Variants in ZNF280A observed in about 807,000 individuals in gnomAD.
The protein encoded by ZNF280A is suppressor of hairy wing homolog 1.
In ZNF280A, 26 loss-of-function variants were observed where a neutral mutation model predicts 35.9. The ratio of observed to expected loss-of-function variants is 0.72; its 90% CI spans 0.53 to 1.01. The LOEUF is 1.01. Ranked by LOEUF, ZNF280A falls within the 50% of genes least tolerant of loss-of-function variation. The pLI is 0.00. For synonymous variants in ZNF280A, 231 were observed against 232.9 expected (o/e 0.99, Z 0.07); for missense variants, 654 against 652.0 (o/e 1.00, Z -0.03).
At chr22:22,518,545 T>C (rs973569175) in intron 1 of ZNF280A, among the ~76,000 whole-genome samples, 3 of 151,600 alleles carry the variant, frequency 2.0e-5, no homozygotes, top group Non-Finnish European at 4.4e-5. Context: ...CCAGCACTTT[T>C]GGGAGGCCGA....
At chr22:22,517,799 C>A (rs765551623) in intron 1 of ZNF280A, among the ~76,000 whole-genome samples, 4 of 147,830 alleles carry the variant, frequency 2.7e-5, no homozygotes, top group Non-Finnish European at 5.9e-5. Context: ...TGAGGATAAG[C>A]GTGATGCTTG....
chr22:22,515,103 T>G lies in ZNF280A; in HGVS notation c.528A>C (p.Arg176Ser). The part of the protein sequence containing the change: ...KRLSTSDINS[R>S]DSKRVKLRDG... ...CCCTGAGTTTAACCCTTTTGGAATC[T>G]CTGCTGTTTATATCTGAAGTGGAAA... Residue 176 changes from arginine to serine, a missense_variant, in exon 2 of 2, where the codon AGA becomes AGC. Physicochemically the swap from Arg to Ser is moderately radical, Grantham distance 110. Coordinates refer to ENST00000302097, the MANE Select transcript of ZNF280A (RefSeq NM_080740.5). 1 of 1,613,894 alleles carries G rather than the reference T, an allele frequency of 6.2e-7. No homozygotes were observed. Among genetic ancestry groups the G allele is most frequent in the Non-Finnish European group, 8.5e-7 (1 of 1,179,980 alleles).
chr22:22,513,803 C>T lies in ZNF280A; in HGVS notation c.*199G>A. 3.8e-6 allele frequency: 2 copies of T among 526,546 alleles called. No individual in the cohort carries two copies. The highest frequency in any genetic ancestry group is 3.1e-5 in the East Asian group (1 of 32,570). 32.6% of individuals were successfully genotyped at this position (526,546 alleles called of 1,614,324 possible). ...CCTCTGAGGTCAGAATAAGGGATGC[C>T]CTGTTGGGAGCATTTGACTGGGAAA... On this transcript the variant is annotated 3_prime_UTR_variant, in exon 2 of 2. Transcript: ENST00000302097.
At chr22:22,517,199 G>A (rs1287653731) in intron 1 of ZNF280A, among the ~76,000 whole-genome samples, 1 of 151,748 alleles carries the variant, frequency 6.6e-6, no homozygotes, top group Non-Finnish European at 1.5e-5. Flanking sequence ...TTGAGGTCAG[G>A]AGCTCGAGAC....
At chr22:22,518,163 G>A (rs1462997823) in intron 1 of ZNF280A, among the ~76,000 whole-genome samples, 1 of 151,736 alleles carries the variant, frequency 6.6e-6, no homozygotes, top group African/African-American at 2.4e-5. Flanking sequence ...CTGACCTCGT[G>A]ATCCGCCCGC....
At position 22,515,287 on chromosome 22, in the gene ZNF280A, A is replaced by G. The variant is rs142322850; in HGVS notation, c.344T>C (p.Val115Ala). 17 of 1,613,792 alleles carry G rather than the reference A, an allele frequency of 1.1e-5. 1 individual carries two copies. Among genetic ancestry groups the G allele is most frequent in the African/African-American group, 9.3e-5 (7 of 74,872 alleles). The change falls in exon 2 of 2, where the codon GTC becomes GCC. Residue 115 changes from valine (V) to alanine (A), a missense_variant. Val to Ala is a moderately conservative substitution (Grantham distance 64, BLOSUM62 0). Transcript: ENST00000302097. ...AGGTTCAGATGAAGACTTCATAGTG[A>G]CAGGACTATCTGTCGATCGCCCCTC... ...LSEGRSTDSP[V>A]TMKSSSEPGY...
chr22:22,518,168 G>A (rs1394431090), intron 1 of ZNF280A, among the ~76,000 whole-genome samples: 6 of 151,600 alleles, frequency 4.0e-5, no homozygotes, highest in South Asian at 4.2e-4. Context: ...CTCGTGATCC[G>A]CCCGCCTCGG....
At chr22:22,519,710 G>A (rs1028806263) in intron 1 of ZNF280A, among the ~76,000 whole-genome samples, 2 of 151,852 alleles carry the variant, frequency 1.3e-5, no homozygotes, top group African/African-American at 4.8e-5. Flanking sequence ...ATACCACCAG[G>A]ACAGTCACTC....
Position 22,517,988 on chromosome 22 carries a change from G to A in ZNF280A, c.-72+2101C>T, listed in dbSNP as rs768083675. On this transcript the variant is annotated intron_variant, in intron 1 of 1. Coordinates refer to ENST00000302097, the MANE Select transcript of ZNF280A (RefSeq NM_080740.5). Reference sequence around the variant, plus strand: ...CGCCCAGGCTGGAGTGCAGTGGTGCGATCTCGGCTCACTGCAGGCTCCGCC... The same window carrying A: ...CGCCCAGGCTGGAGTGCAGTGGTGCAATCTCGGCTCACTGCAGGCTCCGCC... Among the ~76,000 whole-genome samples, 225 of 149,362 alleles carry A rather than the reference G, an allele frequency of 1.5e-3. 1 individual carries two copies. Among genetic ancestry groups the A allele is most frequent in the Non-Finnish European group, 1.6e-3 (108 of 67,688 alleles).
chr22:22,514,800 G>A lies in ZNF280A; in HGVS notation c.831C>T (p.Ser277=), dbSNP rs756477606. 1.4e-5 allele frequency: 22 copies of A among 1,613,794 alleles called. No homozygotes were observed. Among genetic ancestry groups the A allele is most frequent in the Non-Finnish European group, 1.6e-5 (19 of 1,179,994 alleles). ...CTTTATGCTGTCCATAGTAAAAGTC[G>A]CTAAGTAACACGATGGGATTTTCTT... ...PKKENPIVLL[S]DFYYGQHKGD... Residue 277 remains serine, a synonymous_variant, in exon 2 of 2, where the codon AGC becomes AGT. Coordinates refer to ENST00000302097, the MANE Select transcript of ZNF280A (RefSeq NM_080740.5).
In ZNF280A at chr22:22,514,132, G is replaced by A; in HGVS notation, c.1499C>T (p.Pro500Leu). 1 of 1,613,922 alleles carries A rather than the reference G, an allele frequency of 6.2e-7. No individual in the cohort carries two copies. The highest frequency in any genetic ancestry group is 1.7e-4 in the Middle Eastern group (1 of 6,052). ...AACGGAAGCCATACCACTTGATCCT[G>A]GCTGAACTGAAGTTTGAATAATAAC... ...TKVIIQTSVQPGSSGMASVIV... is the reference protein window; with the variant it reads ...TKVIIQTSVQLGSSGMASVIV... The change falls in exon 2 of 2, where the codon CCA becomes CTA. Residue 500 changes from proline to leucine, a missense_variant. Coordinates refer to ENST00000302097, the MANE Select transcript of ZNF280A (RefSeq NM_080740.5).
chr22:22,514,684 A>G lies in ZNF280A; in HGVS notation c.947T>C (p.Met316Thr). 1.2e-6 allele frequency: 2 copies of G among 1,613,960 alleles called. No individual in the cohort carries two copies. The highest frequency in any genetic ancestry group is 1.3e-5 in the African/African-American group (1 of 74,998). The change falls in exon 2 of 2, where the codon ATG (methionine) becomes ACG (threonine). Residue 316 changes from methionine (M) to threonine (T), a missense_variant. Transcript: ENST00000302097. ...VLKNIKFMNH[M>T]KHHLEFEKQR... is the part of the protein sequence containing the mutation. ...CTTCTCAAATTCCAAATGATGCTTC[A>G]TGTGATTCATAAACTTAATATTTTT...
In ZNF280A at chr22:22,513,939, T is replaced by C. The variant is rs2062037621; in HGVS notation, c.*63A>G. 6 of 926,180 alleles carry C rather than the reference T, an allele frequency of 6.5e-6. No individual in the cohort carries two copies. Among genetic ancestry groups the C allele is most frequent in the African/African-American group, 5.0e-5 (3 of 60,162 alleles). The allele number at this position is 926,180 out of a possible 1,614,324, so 57.4% of individuals were successfully genotyped here. A position where few individuals can be genotyped will look rare whatever the true frequency, so the allele number is the denominator to read the frequency against. On this transcript the variant is annotated 3_prime_UTR_variant, in exon 2 of 2. Transcript: ENST00000302097. ...TGCTTGCTAGCATCTACAGCCACAA[T>C]GCACATATGGCCTAGCCTCACTTCT...
At chr22:22,516,638 G>T (rs76206052) in intron 1 of ZNF280A, among the ~76,000 whole-genome samples, 2 of 151,978 alleles carry the variant, frequency 1.3e-5, no homozygotes, top group African/African-American at 4.8e-5. Context: ...TCGCTCTTAA[G>T]TCTTCAATGA....
rs779742132 is a variant in ZNF280A, at chr22:22,515,133, C to T, written c.498G>A (p.Lys166=). 4.3e-6 allele frequency: 7 copies of T among 1,613,804 alleles called. No individual in the cohort carries two copies. The East Asian group carries it at 1.3e-4, about 31-fold the overall frequency. The change falls in exon 2 of 2, where the codon AAG becomes AAA. Residue 166 remains lysine, a synonymous_variant. Coordinates refer to ENST00000302097, the MANE Select transcript of ZNF280A (RefSeq NM_080740.5). ...GGRNESSPDS[K]RLSTSDINSR... ...TGTTTATATCTGAAGTGGAAAGTCGCTTTGAATCAGGAGAACTCTCATTTC... is the reference window on the plus strand; with the variant it reads ...TGTTTATATCTGAAGTGGAAAGTCGTTTTGAATCAGGAGAACTCTCATTTC...
chr22:22,518,718 G>T (rs1241974548), intron 1 of ZNF280A, among the ~76,000 whole-genome samples: 1 of 150,970 alleles, frequency 6.6e-6, no homozygotes, highest in Non-Finnish European at 1.5e-5. Flanking sequence ...AACCTGGGAG[G>T]TGGAGGTTGC....
At chr22:22,518,094 T>G (rs1055132023) in intron 1 of ZNF280A, among the ~76,000 whole-genome samples, 9 of 151,698 alleles carry the variant, frequency 5.9e-5, no homozygotes, top group Non-Finnish European at 1.2e-4. Flanking sequence ...CCCGGCTAAT[T>G]TTTTGTATTT....
chr22:22,517,135 A>C (rs1010092121), intron 1 of ZNF280A, among the ~76,000 whole-genome samples: 1 of 151,946 alleles, frequency 6.6e-6, no homozygotes, highest in Non-Finnish European at 1.5e-5. Context: ...GGACAGGTGC[A>C]GTGGCTCGTA....
intron 1 of ZNF280A, among the ~76,000 whole-genome samples, chr22:22,516,309 A>ACACACACACACG (rs1428171046): frequency 2.6e-5 from 4 of 151,512 alleles, no homozygotes; most frequent in African/African-American, 7.3e-5. Flanking sequence ...ACACACACAC[A>ACACACACACACG]CACACACCCT....
Sources: gnomAD v4.1 joint callset for allele counts (sites outside exome capture counted in the v4.1 genomes callset) on GRCh38, gnomAD v4.1.1 for gene constraint, MANE v1.5 for transcripts, NCBI Gene and HGNC (gene_info 2026-07-23, HGNC 2026-07-21) for gene names.